MMP26: variants seen among roughly 807,000 people sequenced by gnomAD.
The protein encoded by MMP26 is matrix metalloproteinase-26.
MMP26 carries 33 observed loss-of-function variants against 31.0 expected under a neutral mutation model. That is an observed-to-expected ratio of 1.06 (90% CI 0.81 to 1.42). The LOEUF (loss-of-function observed/expected upper bound fraction) is 1.42, where lower values mean the gene tolerates loss of function less well. Among genes scored for constraint, MMP26 ranks in the 40% most tolerant of loss-of-function variants. The probability of loss-of-function intolerance (pLI) is 0.00; values close to 1 mark genes in which losing one functional copy is unlikely to be tolerated. For missense variants in MMP26, 347 were observed against 316.1 expected (o/e 1.10, Z -0.74); for synonymous variants, 122 against 114.9 (o/e 1.06, Z -0.40).
In MMP26 at chr11:4,786,510, T is replaced by TTTA. The variant is rs1198268749; in HGVS notation, c.-145+19171_-145+19172insATT. ...TGCTGATCCTTTTTTTTTTTTTTTTTTTTTTTTTTTTTTACCAAAACTGTT... is the reference window on the plus strand; with the variant it reads ...TGCTGATCCTTTTTTTTTTTTTTTTTTTATTTTTTTTTTTTTACCAAAACTGTT... On this transcript the variant is annotated intron_variant, in intron 2 of 7. Coordinates refer to ENST00000380390, the MANE Select transcript of MMP26 (RefSeq NM_021801.5). Among the ~76,000 whole-genome samples, 745 of 146,788 alleles carry TTTA rather than the reference T, an allele frequency of 5.1e-3. 7 individuals are homozygous for TTTA. Among genetic ancestry groups the TTTA allele is most frequent in the African/African-American group, 0.016 (649 of 39,822 alleles).
intron 1 of MMP26, chr11:4,719,015 C>T: frequency 6.0e-6 from 1 of 167,414 alleles, no homozygotes; most frequent in Non-Finnish European, 1.3e-5. Context: ...CTTAGATATG[C>T]TTCTGTCTTA....
intron 1 of MMP26, chr11:4,723,057 G>T: frequency 8.4e-7 from 1 of 1,184,764 alleles, no homozygotes; most frequent in Non-Finnish European, 1.3e-6. Context: ...ACTTTCATCA[G>T]CTCCTGGTAC....
intron 1 of MMP26, among the ~76,000 whole-genome samples, chr11:4,740,871 A>G (rs73390861): frequency 0.17 from 26,441 of 152,028 alleles, 2,776 homozygotes; most frequent in African/African-American, 0.3. Flanking sequence ...TTATTACATG[A>G]TATTCCAGTG....
chr11:4,708,576 G>C lies in MMP26; in HGVS notation c.-217+3531G>C, dbSNP rs75262652. On this transcript the variant is annotated intron_variant, in intron 1 of 7. Transcript: ENST00000380390. ...TAAATACATGCATGAGTAAGTAAAA[G>C]GGGAACATAAATATGTTAAAAACCA... Among the ~76,000 whole-genome samples the C allele has an allele frequency of 3.6e-3, 555 of 152,264 alleles. 16 individuals are homozygous for C. The East Asian group carries it at 0.08, about 22-fold the overall frequency.
chr11:4,966,889 T>G (rs1339320561), intron 2 of MMP26, among the ~76,000 whole-genome samples: 1 of 152,216 alleles, frequency 6.6e-6, no homozygotes, highest in Non-Finnish European at 1.5e-5. Context: ...AGAGGGCAGC[T>G]AGTAGGGATT....
At chr11:4,795,987 CT>C (rs976243166) in intron 2 of MMP26, among the ~76,000 whole-genome samples, 1 of 152,044 alleles carries the variant, frequency 6.6e-6, no homozygotes, top group African/African-American at 2.4e-5. Flanking sequence ...TCAGAGTTTC[CT>C]TTTTTTCCCT....
intron 2 of MMP26, among the ~76,000 whole-genome samples, chr11:4,809,593 A>C (rs2133460100): frequency 6.6e-6 from 1 of 152,306 alleles, no homozygotes; most frequent in Non-Finnish European, 1.5e-5. Context: ...CTGTTTTTTC[A>C]CTTTGAGGTA....
At chr11:4,887,616 C>T (rs2570589) in intron 2 of MMP26, among the ~76,000 whole-genome samples, 152,087 of 152,268 alleles carry the variant, frequency 1, 75,954 homozygotes, top group Middle Eastern at 1. Context: ...TTTCCTAATA[C>T]GTCAGATGTT....
intron 1 of MMP26, among the ~76,000 whole-genome samples, chr11:4,739,653 C>G (rs1848286394): frequency 6.6e-6 from 1 of 152,124 alleles, no homozygotes; most frequent in African/African-American, 2.4e-5. Context: ...AATATTCTAG[C>G]TCCAAATCTT....
intron 2 of MMP26, among the ~76,000 whole-genome samples, chr11:4,970,995 T>C (rs1384246350): frequency 6.6e-6 from 1 of 152,212 alleles, no homozygotes; most frequent in African/African-American, 2.4e-5. Context: ...GAAGGGAATT[T>C]CAATTGACTG....
At chr11:4,897,951 A>G (rs1216197388) in intron 2 of MMP26, among the ~76,000 whole-genome samples, 1 of 148,092 alleles carries the variant, frequency 6.8e-6, no homozygotes, top group South Asian at 2.1e-4. Context: ...AATAAATATT[A>G]TATATTATAT....
intron 2 of MMP26, among the ~76,000 whole-genome samples, chr11:4,827,999 C>T (rs995189000): frequency 2.6e-5 from 4 of 152,016 alleles, no homozygotes; most frequent in African/African-American, 9.7e-5. Flanking sequence ...AAGGATGTGC[C>T]ATAAGGCAAA....
At chr11:4,798,125 G>A (rs191385496) in intron 2 of MMP26, among the ~76,000 whole-genome samples, 129 of 152,258 alleles carry the variant, frequency 8.5e-4, no homozygotes, top group African/African-American at 2.8e-3. Flanking sequence ...CTTTTACGAC[G>A]GCCCATACTT....
intron 2 of MMP26, among the ~76,000 whole-genome samples, chr11:4,827,545 AG>A (rs950062603): frequency 2.6e-5 from 4 of 152,118 alleles, no homozygotes; most frequent in African/African-American, 4.8e-5. Context: ...GGTCTCAGGA[AG>A]GCTGCTGAGA....
rs774255037 is a variant in MMP26, at chr11:4,992,199, T to TG, written c.758-15_758-14insG. The TG allele has an allele frequency of 6.2e-7, 1 of 1,612,056 alleles. No homozygotes were observed. The highest frequency in any genetic ancestry group is 8.5e-7 in the Non-Finnish European group (1 of 1,179,342). On this transcript the variant is annotated splice_polypyrimidine_tract_variant and intron_variant, in intron 7 of 7. Transcript: ENST00000380390. ...ACCTGAAATTTACTGTTGTTTTTTTTTTCTGTTTCCATAGGAGAAAAATGT... is the reference window on the plus strand; with the variant it reads ...ACCTGAAATTTACTGTTGTTTTTTTTGTTCTGTTTCCATAGGAGAAAAATGT...
intron 2 of MMP26, among the ~76,000 whole-genome samples, chr11:4,824,990 C>G (rs1277479217): frequency 6.6e-6 from 1 of 152,070 alleles, no homozygotes; most frequent in Non-Finnish European, 1.5e-5. Flanking sequence ...AGTAAATAAG[C>G]TGTTTTCTCC....
At chr11:4,713,631 A>G (rs1847889779) in intron 1 of MMP26, among the ~76,000 whole-genome samples, 1 of 152,128 alleles carries the variant, frequency 6.6e-6, no homozygotes, top group Non-Finnish European at 1.5e-5. Context: ...TATGAAAGAT[A>G]CTTCAAATGT....
intron 2 of MMP26, among the ~76,000 whole-genome samples, chr11:4,858,183 T>C (rs1850085592): frequency 6.6e-6 from 1 of 152,130 alleles, no homozygotes; most frequent in Non-Finnish European, 1.5e-5. Context: ...GGATGCCCTC[T>C]CACACCACTC....
chr11:4,851,685 A>G (rs1849977755), intron 2 of MMP26, among the ~76,000 whole-genome samples: 1 of 151,934 alleles, frequency 6.6e-6, no homozygotes, highest in South Asian at 2.1e-4. Flanking sequence ...AACAAGGGGG[A>G]GGAATTAAAC....
Sources: allele counts gnomAD v4.1 joint callset (sites outside exome capture counted in the v4.1 genomes callset), GRCh38; gene constraint gnomAD v4.1.1; transcripts MANE v1.5; gene names NCBI Gene and HGNC (gene_info 2026-07-23, HGNC 2026-07-21).